The following ABCB1 variants were observed in gnomAD, a reference collection of about 807,000 sequenced individuals.
ABCB1 encodes the protein ATP-dependent translocase ABCB1.
ABCB1 carries 69 observed loss-of-function variants against 142.0 expected under a neutral mutation model. That is an observed-to-expected ratio of 0.49 (90% CI 0.40 to 0.59). The LOEUF (loss-of-function observed/expected upper bound fraction) is 0.59, where lower values mean the gene tolerates loss of function less well. Ranked by LOEUF, ABCB1 falls within the 20% of genes least tolerant of loss-of-function variation. The probability of loss-of-function intolerance (pLI) is 0.00; values close to 1 mark genes in which losing one functional copy is unlikely to be tolerated. For synonymous variants in ABCB1, 532 were observed against 539.2 expected, an observed-to-expected ratio of 0.99 and a Z score of 0.18; for missense variants, 1,326 against 1,554.7, an observed-to-expected ratio of 0.85 and a Z score of 2.47.
chr7:87,512,246 C>T (rs1371742740), intron 25 of ABCB1, among the ~76,000 whole-genome samples: 8 of 151,692 alleles, frequency 5.3e-5, no homozygotes, highest in Admixed American at 5.3e-4. Context: ...TCAGGTCCCT[C>T]AAAACTTGGA....
upstream of ABCB1, among the ~76,000 whole-genome samples, chr7:87,604,900 G>A (rs561503606): frequency 4.6e-5 from 7 of 152,040 alleles, no homozygotes; most frequent in South Asian, 4.2e-4. Context: ...TTTCAGTATC[G>A]GCATCTCTCA....
chr7:87,578,634 G>C lies in ABCB1; in HGVS notation c.286+6878C>G, dbSNP rs186583048. Among the ~76,000 whole-genome samples the C allele has an allele frequency of 7.4e-4, 112 of 151,186 alleles. 1 individual carries two copies. The highest frequency in any genetic ancestry group is 2.6e-3 in the African/African-American group (109 of 41,242). ...ATTGTAGAGATCTCTCATTTATTGA[G>C]TAAAAGTTATTCCTAGGTATTTATT... On this transcript the variant is annotated intron_variant, in intron 4 of 27. Transcript: ENST00000622132.
chr7:87,605,004 T>C (rs568597691), upstream of ABCB1, among the ~76,000 whole-genome samples: 6 of 152,312 alleles, frequency 3.9e-5, no homozygotes, highest in South Asian at 4.1e-4. Context: ...TCAATAAATG[T>C]TTGTAGAAAA....
chr7:87,541,510 C>T lies in ABCB1; in HGVS notation c.2212-46G>A, dbSNP rs764257999. On this transcript the variant is annotated intron_variant, in intron 17 of 27. Coordinates refer to ENST00000622132, the MANE Select transcript of ABCB1 (RefSeq NM_001348946.2). ...GATTTTTAGTTCAATCAGTGAAGAACCCATCCTGGACCTGACCCATTTCCC... is the reference window on the plus strand; with the variant it reads ...GATTTTTAGTTCAATCAGTGAAGAATCCATCCTGGACCTGACCCATTTCCC... The T allele has an allele frequency of 4.5e-6, 6 of 1,332,132 alleles. No individual in the cohort carries two copies. The East Asian group carries it at 1.4e-4, about 31-fold the overall frequency. 82.5% of individuals were successfully genotyped at this position (1,332,132 alleles called of 1,614,324 possible).
chr7:87,677,920 G>A (rs930188462), intron 1 of ABCB1, among the ~76,000 whole-genome samples: 2 of 152,164 alleles, frequency 1.3e-5, no homozygotes, highest in African/African-American at 4.8e-5. Context: ...GAAAAGCACT[G>A]CTAACCCAGA....
chr7:87,550,584 C>T lies in ABCB1; in HGVS notation c.1114-6G>A, dbSNP rs2129711656. 1 of 1,611,710 alleles carries T rather than the reference C, an allele frequency of 6.2e-7. No homozygotes were observed. Among genetic ancestry groups the T allele is most frequent in the Non-Finnish European group, 8.5e-7 (1 of 1,178,600 alleles). The stretch of plus-strand genomic sequence containing the variant: ...TAGCTGTCAATACTTGGCTTCTAAA[C>T]AGAATCAAATTTTAAGAGATTACTA... On this transcript the variant is annotated splice_polypyrimidine_tract_variant and splice_region_variant and intron_variant, in intron 10 of 27. Transcript: ENST00000622132.
intron 8 of ABCB1, among the ~76,000 whole-genome samples, chr7:87,557,862 CA>C (rs1817370135): frequency 6.6e-6 from 1 of 152,162 alleles, no homozygotes; most frequent in Non-Finnish European, 1.5e-5. Context: ...GTCAGTTCCT[CA>C]AATTTAAGAT....
intron 1 of ABCB1, chr7:87,693,815 C>A: frequency 8.7e-7 from 1 of 1,153,598 alleles, no homozygotes; most frequent in Admixed American, 2.1e-5. Context: ...TTATATGTAG[C>A]CATCTTAGTT....
At chr7:87,706,448 C>T (rs1417078036) in intron 1 of ABCB1, among the ~76,000 whole-genome samples, 3 of 152,142 alleles carry the variant, frequency 2.0e-5, no homozygotes, top group South Asian at 2.1e-4. Flanking sequence ...GGTAAGAAAA[C>T]AATCAGGTTC....
chr7:87,594,016 A>G lies in ABCB1; in HGVS notation c.117+1750T>C, dbSNP rs565842139. On this transcript the variant is annotated intron_variant, in intron 3 of 27. Transcript: ENST00000622132. ...ATGTTTTTTGTCTTCACTGAAAACT[A>G]TTATTAATAAGCAATGCCAGTGACA... Among the ~76,000 whole-genome samples, 13 of 152,344 alleles carry G rather than the reference A, an allele frequency of 8.5e-5. No individual in the cohort carries two copies. In the East Asian group the frequency reaches 1.9e-3, roughly 23 times the overall value.
chr7:87,544,299 C>G (rs750453344), intron 16 of ABCB1, 24 bp from the exon 17 acceptor site: 1 of 1,611,188 alleles, frequency 6.2e-7, no homozygotes, highest in Admixed American at 1.7e-5. Flanking sequence ...ATTATTACAA[C>G]AGGCTAGTTA....
At chr7:87,548,234 G>A (rs1816892825) in intron 14 of ABCB1, among the ~76,000 whole-genome samples, 1 of 133,136 alleles carries the variant, frequency 7.5e-6, no homozygotes, top group African/African-American at 2.8e-5. Flanking sequence ...GGGAAAGGAA[G>A]GGAAGGGAAG....
At chr7:87,626,231 A>G (rs1350487906) in intron 1 of ABCB1, among the ~76,000 whole-genome samples, 1 of 88,604 alleles carries the variant, frequency 1.1e-5, no homozygotes, top group Non-Finnish European at 2.4e-5. Context: ...TATGTCATAT[A>G]TATGTGTCAT....
intron 1 of ABCB1, among the ~76,000 whole-genome samples, chr7:87,694,795 G>GT (rs1219163335): frequency 6.6e-6 from 1 of 152,180 alleles, no homozygotes; most frequent in Non-Finnish European, 1.5e-5. Context: ...TTCAGAGAGA[G>GT]TAAAATTACT....
intron 1 of ABCB1, among the ~76,000 whole-genome samples, chr7:87,710,177 T>C (rs1452786929): frequency 6.6e-6 from 1 of 152,194 alleles, no homozygotes; most frequent in East Asian, 1.9e-4. Flanking sequence ...TTTTCATTAA[T>C]GAGAGAGAAC....
chr7:87,636,002 C>T (rs1188207041), intron 1 of ABCB1, among the ~76,000 whole-genome samples: 1 of 152,142 alleles, frequency 6.6e-6, no homozygotes, highest in Non-Finnish European at 1.5e-5. Flanking sequence ...CACTGACTGT[C>T]ATCTGAGTTG....
At chr7:87,508,797 C>A (rs1310952197) in intron 26 of ABCB1, among the ~76,000 whole-genome samples, 1 of 152,068 alleles carries the variant, frequency 6.6e-6, no homozygotes, top group Non-Finnish European at 1.5e-5. Context: ...GAGAGAGCTG[C>A]AAGGAGGAAG....
intron 1 of ABCB1, among the ~76,000 whole-genome samples, chr7:87,632,010 C>T (rs540699315): frequency 7.9e-5 from 12 of 151,756 alleles, no homozygotes; most frequent in East Asian, 3.9e-4. Flanking sequence ...AGCTAAATTA[C>T]GTATGTGCAT....
intron 2 of ABCB1, 110 bp from the exon 3 acceptor site, chr7:87,595,924 T>G: frequency 1.2e-6 from 1 of 823,474 alleles, no homozygotes; most frequent in Non-Finnish European, 2.0e-6. Context: ...AAGAAATATG[T>G]CTATATTATA....
Sources: allele counts gnomAD v4.1 joint callset (sites outside exome capture counted in the v4.1 genomes callset), GRCh38; gene constraint gnomAD v4.1.1; transcripts MANE v1.5; gene names NCBI Gene and HGNC (gene_info 2026-07-23, HGNC 2026-07-21).